The following USP37 variants were observed in gnomAD, a reference collection of about 807,000 sequenced individuals.
USP37 encodes ubiquitin specific peptidase 37.
In USP37, 27 loss-of-function variants were observed where a neutral mutation model predicts 124.0. That is an observed-to-expected ratio of 0.22 (90% CI 0.16 to 0.30). The LOEUF (loss-of-function observed/expected upper bound fraction) is 0.30. Ranked by LOEUF, USP37 falls within the 10% of genes least tolerant of loss-of-function variation. The pLI, the probability that USP37 is intolerant of heterozygous loss-of-function variation, is 1.00. For missense variants in USP37, 889 were observed against 1,140.4 expected (o/e 0.78, Z 3.17); for synonymous variants, 365 against 388.0 (o/e 0.94, Z 0.70).
chr2:218,485,988 A>G (rs1691540225), intron 15 of USP37: 1 of 416,240 alleles, frequency 2.4e-6, no homozygotes, highest in South Asian at 6.1e-5. Flanking sequence ...ATCTAAATTT[A>G]TGATAGTAAC....
chr2:218,480,888 ACT>A (rs1315437826), intron 17 of USP37, among the ~76,000 whole-genome samples: 1 of 152,058 alleles, frequency 6.6e-6, no homozygotes, highest in Non-Finnish European at 1.5e-5. Context: ...AAACACTTAG[ACT>A]CTCTGGGCAC....
intron 14 of USP37, among the ~76,000 whole-genome samples, chr2:218,489,745 T>C (rs1342010655): frequency 1.3e-5 from 2 of 152,116 alleles, no homozygotes; most frequent in Non-Finnish European, 2.9e-5. Flanking sequence ...CCCAAAATGC[T>C]GGGATTACAG....
chr2:218,485,923 C>G (rs1215799054), intron 15 of USP37, among the ~76,000 whole-genome samples, 180 bp from the exon 16 acceptor site: 1 of 152,134 alleles, frequency 6.6e-6, no homozygotes, highest in Non-Finnish European at 1.5e-5. Context: ...CAAAATATAC[C>G]TATAATATCA....
chr2:218,530,137 A>G, intron 9 of USP37, 97 bp from the exon 10 acceptor site: 1 of 839,618 alleles, frequency 1.2e-6, no homozygotes. Context: ...ATTATATTTA[A>G]CTCTTTTTCC....
chr2:218,558,250 CTT>C (rs1171383292), intron 4 of USP37, among the ~76,000 whole-genome samples: 4 of 152,308 alleles, frequency 2.6e-5, no homozygotes, highest in East Asian at 3.9e-4. Flanking sequence ...TATCCGAACT[CTT>C]GTCAGCTTCC....
At chr2:218,566,842 G>A (rs1473668406) in intron 1 of USP37, among the ~76,000 whole-genome samples, 1 of 152,170 alleles carries the variant, frequency 6.6e-6, no homozygotes, top group African/African-American at 2.4e-5. Context: ...CTTGGAGAGA[G>A]TAGAAGTCAA....
chr2:218,480,260 C>A (rs763658190), intron 17 of USP37, among the ~76,000 whole-genome samples: 1 of 151,430 alleles, frequency 6.6e-6, no homozygotes, highest in Non-Finnish European at 1.5e-5. Context: ...ATCAGCCGGG[C>A]ATGGTGGCAG....
At chr2:218,553,418 T>G (rs905210781) in intron 5 of USP37, 135 bp downstream of exon 5, 7 of 801,678 alleles carry the variant, frequency 8.7e-6, no homozygotes, top group Non-Finnish European at 1.2e-5. Context: ...TCTTTGAATT[T>G]CAGGAATAAA....
chr2:218,491,781 AATAC>A (rs1271118683), intron 14 of USP37, among the ~76,000 whole-genome samples: 23 of 152,364 alleles, frequency 1.5e-4, no homozygotes, highest in African/African-American at 5.5e-4. Context: ...GTAAAGAGGA[AATAC>A]ATAGTAGGGA....
At chr2:218,529,887 C>G in intron 10 of USP37, 69 bp downstream of exon 10, 2 of 1,210,178 alleles carry the variant, frequency 1.7e-6, no homozygotes, top group Middle Eastern at 1.9e-4. Flanking sequence ...CATAACCTAT[C>G]CAATCATTCA....
At chr2:218,480,398 C>CAAAAAAGAAAAAAAAAA in intron 17 of USP37, among the ~76,000 whole-genome samples, 1 of 48,864 alleles carries the variant, frequency 2.0e-5, no homozygotes, top group African/African-American at 4.9e-5. Context: ...GACTCCGTCT[C>CAAAAAAGAAAAAAAAAA]AAAAAAAAAA....
intron 10 of USP37, among the ~76,000 whole-genome samples, chr2:218,510,950 G>A (rs921052470): frequency 1.3e-5 from 2 of 151,814 alleles, no homozygotes; most frequent in Admixed American, 1.3e-4. Flanking sequence ...AGCGCAGATT[G>A]CACCACTGCA....
chr2:218,537,996 C>T (rs1343124923), intron 8 of USP37, among the ~76,000 whole-genome samples: 1 of 152,146 alleles, frequency 6.6e-6, no homozygotes, highest in African/African-American at 2.4e-5. Flanking sequence ...GTGATAAGAC[C>T]AGGAGAGTAC....
At chr2:218,493,477 CTTTCTTTT>C (rs1688906893) in intron 14 of USP37, among the ~76,000 whole-genome samples, 1 of 152,018 alleles carries the variant, frequency 6.6e-6, no homozygotes, top group African/African-American at 2.4e-5. Flanking sequence ...GGCCTTCTTT[CTTTCTTTT>C]TTTGAGATGG....
intron 8 of USP37, among the ~76,000 whole-genome samples, chr2:218,540,259 G>A (rs1691902230): frequency 6.6e-6 from 1 of 152,112 alleles, no homozygotes; most frequent in Non-Finnish European, 1.5e-5. Context: ...GCCACTAAAC[G>A]AAGGAATGAT....
intron 10 of USP37, 29 bp downstream of exon 10, chr2:218,529,927 T>A: frequency 6.4e-7 from 1 of 1,557,060 alleles, no homozygotes; most frequent in Non-Finnish European, 8.7e-7. Context: ...ACTCCTAAGT[T>A]TTTCACAAGT....
intron 6 of USP37, 51 bp downstream of exon 6, chr2:218,549,758 C>T: frequency 6.4e-7 from 1 of 1,566,872 alleles, no homozygotes. Flanking sequence ...GCCACTGTGC[C>T]TGGCCAACTA....
intron 3 of USP37, 58 bp from the exon 4 acceptor site, chr2:218,558,735 G>A (rs920447974): frequency 1.5e-5 from 19 of 1,308,926 alleles, no homozygotes; most frequent in Admixed American, 2.3e-5. Context: ...AGAAAAATAA[G>A]ATAAGTTATA....
intron 8 of USP37, among the ~76,000 whole-genome samples, chr2:218,544,248 C>T (rs1435309007): frequency 6.6e-6 from 1 of 151,250 alleles, no homozygotes; most frequent in Admixed American, 6.6e-5. Context: ...GGCGTGGTGG[C>T]ACACGCTTGT....
Sources: allele counts gnomAD v4.1 joint callset (sites outside exome capture counted in the v4.1 genomes callset), GRCh38; gene constraint gnomAD v4.1.1; transcripts MANE v1.5; gene names NCBI Gene and HGNC (gene_info 2026-07-23, HGNC 2026-07-21).